Variants in CSNK1G1 observed in about 807,000 individuals in gnomAD.
CSNK1G1 encodes the protein casein kinase 1 gamma 1.
CSNK1G1 carries 22 observed loss-of-function variants against 59.6 expected under a neutral mutation model. That is an observed-to-expected ratio of 0.37 (90% CI 0.26 to 0.53). The LOEUF (loss-of-function observed/expected upper bound fraction) is 0.53. Ranked by LOEUF, CSNK1G1 falls within the 20% of genes least tolerant of loss-of-function variation. CSNK1G1 has a pLI of 0.89. For synonymous variants in CSNK1G1, 179 were observed against 177.1 expected (o/e 1.01, Z -0.08); for missense variants, 384 against 519.5 (o/e 0.74, Z 2.54).
intron 9 of CSNK1G1, among the ~76,000 whole-genome samples, chr15:64,204,101 G>A (rs1173454254): frequency 1.3e-5 from 2 of 150,330 alleles, no homozygotes; most frequent in African/African-American, 4.9e-5. Flanking sequence ...CGAGATTGGC[G>A]CCATTGCACT....
chr15:64,243,712 A>G (rs1489390419), intron 4 of CSNK1G1, among the ~76,000 whole-genome samples: 1 of 152,192 alleles, frequency 6.6e-6, no homozygotes, highest in African/African-American at 2.4e-5. Flanking sequence ...TGCAAGATAC[A>G]AAAGCAACAT....
Position 64,169,628 on chromosome 15 carries a change from CAACT to C in CSNK1G1, c.*2299_*2302del, listed in dbSNP as rs1399973837. 1 of 152,158 alleles carries C rather than the reference CAACT, an allele frequency of 6.6e-6. No homozygotes were observed. Among genetic ancestry groups the C allele is most frequent in the African/African-American group, 2.4e-5 (1 of 41,422 alleles). The allele number at this position is 152,158 out of a possible 1,614,324, so 9.4% of individuals were successfully genotyped here. A position where few individuals can be genotyped will look rare whatever the true frequency, so the allele number is the denominator to read the frequency against. On this transcript the variant is annotated 3_prime_UTR_variant, in exon 12 of 12. Coordinates refer to ENST00000303052, the MANE Select transcript of CSNK1G1 (RefSeq NM_022048.5). ...CAGTAAGTTAGCAATGCCCAAATCC[CAACT>C]GAGAAACGATGTAAATTTTAGTGAT...
intron 1 of CSNK1G1, among the ~76,000 whole-genome samples, chr15:64,325,559 A>G (rs1170206561): frequency 1.3e-5 from 2 of 152,230 alleles, no homozygotes; most frequent in African/African-American, 4.8e-5. Flanking sequence ...CTCAAATAGC[A>G]GAGAAGTAGA....
chr15:64,281,802 GA>G (rs1053597456), intron 2 of CSNK1G1, among the ~76,000 whole-genome samples: 1,321 of 119,412 alleles, frequency 0.011, 18 homozygotes, highest in African/African-American at 0.037. Context: ...ACTGTGCCGA[GA>G]AAAAAAAAAA....
At position 64,216,673 on chromosome 15, in the gene CSNK1G1, C is replaced by A; in HGVS notation, c.333G>T (p.Gly111=). The part of the protein sequence containing the change: ...LPQVYYFGPC[G]KYNAMVLELL... ...GCTCCAGCACCATGGCATTATATTTCCCACATGGTCCAAAGTAATACACCT... is the reference window on the plus strand; with the variant it reads ...GCTCCAGCACCATGGCATTATATTTACCACATGGTCCAAAGTAATACACCT... The change falls in exon 5 of 12, where the codon GGG becomes GGT. Residue 111 remains glycine (G), a synonymous_variant. Transcript: ENST00000303052. This position sits in a 1 kb window ranked among gnomAD's most constrained non-coding sequence, Gnocchi z 4.6. 6.2e-7 allele frequency: 1 copy of A among 1,614,068 alleles called. No homozygotes were observed. The highest frequency in any genetic ancestry group is 8.5e-7 in the Non-Finnish European group (1 of 1,179,950).
chr15:64,228,887 G>C (rs2082499872), intron 4 of CSNK1G1, among the ~76,000 whole-genome samples: 1 of 151,758 alleles, frequency 6.6e-6, no homozygotes, highest in Non-Finnish European at 1.5e-5. Context: ...GTGTGGTGGT[G>C]TGTGTTTGTG....
intron 1 of CSNK1G1, among the ~76,000 whole-genome samples, chr15:64,350,450 A>G (rs530340343): frequency 1.3e-5 from 2 of 152,148 alleles, no homozygotes; most frequent in Admixed American, 6.6e-5. Flanking sequence ...GCAGTGAGCC[A>G]AGATCACGCC....
At position 64,244,390 on chromosome 15, in the gene CSNK1G1, T is replaced by C. The variant is rs944016945; in HGVS notation, c.292+7122A>G. 4.2e-5 allele frequency among the ~76,000 whole-genome samples: 6 copies of C among 144,528 alleles called. No homozygotes were observed. The East Asian group carries it at 9.9e-4, about 24-fold the overall frequency. The allele number at this position is 144,528 out of a possible 152,430, so 94.8% of individuals were successfully genotyped here. On this transcript the variant is annotated intron_variant, in intron 4 of 11. Coordinates refer to ENST00000303052, the MANE Select transcript of CSNK1G1 (RefSeq NM_022048.5). ...TTAAAAAAAAAAAAAAAAAAGAGTG[T>C]GGGCCGGGGGGAGACATCCCTTGTT... is the stretch of plus-strand genomic sequence containing the variant.
Position 64,245,880 on chromosome 15 carries a change from G to A in CSNK1G1, c.292+5632C>T, listed in dbSNP as rs181923206. 1.5e-4 allele frequency among the ~76,000 whole-genome samples: 23 copies of A among 152,176 alleles called. No homozygotes were observed. The East Asian group carries it at 3.5e-3, about 23-fold the overall frequency. On this transcript the variant is annotated intron_variant, in intron 4 of 11. Coordinates refer to ENST00000303052, the MANE Select transcript of CSNK1G1 (RefSeq NM_022048.5). The stretch of plus-strand genomic sequence containing the variant: ...GGAAAGACAAATATCACATGTTCTC[G>A]CTCATGTGAAAACTTAAAAAGTTGA...
At chr15:64,307,765 C>A (rs1340609375) in intron 1 of CSNK1G1, among the ~76,000 whole-genome samples, 2 of 152,212 alleles carry the variant, frequency 1.3e-5, no homozygotes, top group East Asian at 1.9e-4. Flanking sequence ...CGGCTCACTG[C>A]AAGCTCCGTC....
rs1365561201 is a variant in CSNK1G1, at chr15:64,332,267, A to T, written c.-225+23721T>A. 6.4e-3 allele frequency among the ~76,000 whole-genome samples: 656 copies of T among 102,632 alleles called. 11 individuals carry two copies. The highest frequency in any genetic ancestry group is 0.022 in the African/African-American group (617 of 27,564). The allele number at this position is 102,632 out of a possible 152,430, so 67.3% of individuals were successfully genotyped here. On this transcript the variant is annotated intron_variant, in intron 1 of 11. Transcript: ENST00000303052. ...TTATTCACAATGGCAAAGACTTGGA[A>T]CCAACCCAAATGTCCAACAATGATA...
rs1011178725 is a variant in CSNK1G1 at position 64,176,002 on chromosome 15, G to C, written c.1215-4017C>G. On this transcript the variant is annotated intron_variant, in intron 11 of 11. Transcript: ENST00000303052. The surrounding 1 kb of genome is among the most constrained non-coding windows in gnomAD (Gnocchi z 5.2). Reference sequence around the variant, plus strand: ...GAGAAAATTTACTCAGCTAAAAATAGATAATTTTGGATACTGTGGGATACT... The same window carrying C: ...GAGAAAATTTACTCAGCTAAAAATACATAATTTTGGATACTGTGGGATACT... Among the ~76,000 whole-genome samples the C allele has an allele frequency of 6.6e-6, 1 of 152,204 alleles. No homozygotes were observed. Among genetic ancestry groups the C allele is most frequent in the East Asian group, 1.9e-4 (1 of 5,194 alleles).
At chr15:64,267,800 GTATA>G (rs1443199484) in intron 2 of CSNK1G1, among the ~76,000 whole-genome samples, 1 of 152,042 alleles carries the variant, frequency 6.6e-6, no homozygotes, top group Non-Finnish European at 1.5e-5. Context: ...CCACTACTGG[GTATA>G]TATTCAAAGG....
intron 2 of CSNK1G1, among the ~76,000 whole-genome samples, chr15:64,276,101 G>T (rs952645011): frequency 6.6e-6 from 1 of 152,134 alleles, no homozygotes; most frequent in African/African-American, 2.4e-5. Flanking sequence ...TGAGGTAAAA[G>T]GCAGCCAGGG....
intron 3 of CSNK1G1, among the ~76,000 whole-genome samples, chr15:64,252,458 C>T (rs984152567): frequency 2.0e-5 from 3 of 152,108 alleles, no homozygotes; most frequent in African/African-American, 7.2e-5. Flanking sequence ...AATCCTCCCA[C>T]TTCAGCCACC....
chr15:64,190,895 T>C (rs1055000573), intron 10 of CSNK1G1, among the ~76,000 whole-genome samples: 3 of 152,202 alleles, frequency 2.0e-5, no homozygotes, highest in African/African-American at 7.2e-5. Flanking sequence ...AATATTGAAA[T>C]ATAATATTTA....
intron 10 of CSNK1G1, among the ~76,000 whole-genome samples, chr15:64,189,859 C>T (rs1318114119): frequency 4.0e-5 from 6 of 150,154 alleles, no homozygotes; most frequent in Non-Finnish European, 8.9e-5. Context: ...CGCTCTGTCG[C>T]CCAGGCTGGA....
Position 64,251,595 on chromosome 15 carries a change from A to C in CSNK1G1, c.223-14T>G. 1 of 1,591,096 alleles carries C rather than the reference A, an allele frequency of 6.3e-7. No homozygotes were observed. The highest frequency in any genetic ancestry group is 8.6e-7 in the Non-Finnish European group (1 of 1,160,268). On this transcript the variant is annotated splice_polypyrimidine_tract_variant and intron_variant, in intron 3 of 11. Coordinates refer to ENST00000303052, the MANE Select transcript of CSNK1G1 (RefSeq NM_022048.5). ...TTTTATTGGTTCCTGAAATCCAAAA[A>C]GAAAAACTGTGATCAGATTTAAACA...
At chr15:64,180,130 A>C (rs146111622) in intron 11 of CSNK1G1, 1 of 534,020 alleles carries the variant, frequency 1.9e-6, no homozygotes, top group Non-Finnish European at 3.4e-6. Context: ...TGTCTTTTTC[A>C]TGTGAACTAG....
Sources: gnomAD v4.1 joint callset for allele counts (sites outside exome capture counted in the v4.1 genomes callset) on GRCh38, gnomAD v4.1.1 for gene constraint, Gnocchi (gnomAD v3.1) non-coding constraint, MANE v1.5 for transcripts, NCBI Gene and HGNC (gene_info 2026-07-23, HGNC 2026-07-21) for gene names.